Variants in DIP2C observed in about 807,000 individuals in gnomAD.
The protein encoded by DIP2C is DIP2 acetate--CoA ligase C (putative), also known as disco-interacting protein 2 homolog C.
DIP2C carries 33 observed loss-of-function variants against 192.4 expected under a neutral mutation model. The observed-to-expected ratio is 0.17, with a 90% confidence interval of 0.13 to 0.23. The LOEUF is 0.23. Among genes scored for constraint, DIP2C ranks in the 10% least tolerant of loss-of-function variants. The pLI, the probability that DIP2C is intolerant of heterozygous loss-of-function variation, is 1.00. For synonymous variants in DIP2C, 979 were observed against 864.1 expected (o/e 1.13, Z -2.33); for missense variants, 1,537 against 2,110.1 (o/e 0.73, Z 5.32).
At chr10:393,188 C>T (rs1381412569) in intron 10 of DIP2C, among the ~76,000 whole-genome samples, 3 of 152,194 alleles carry the variant, frequency 2.0e-5, no homozygotes, top group African/African-American at 7.2e-5. Flanking sequence ...AGGATGCATT[C>T]AGAAAACTAG....
At chr10:340,178 C>CAA (rs34140870) in intron 29 of DIP2C, among the ~76,000 whole-genome samples, 53 of 114,202 alleles carry the variant, frequency 4.6e-4, no homozygotes, top group Non-Finnish European at 7.4e-4. Flanking sequence ...AAGACTGTCT[C>CAA]AAAAAAAAAA....
chr10:513,457 C>G (rs894886948), intron 1 of DIP2C, among the ~76,000 whole-genome samples: 2 of 152,224 alleles, frequency 1.3e-5, no homozygotes, highest in African/African-American at 2.4e-5. Flanking sequence ...TCCACCACAG[C>G]ACACTGCGGC....
chr10:628,175 T>C (rs980585635), intron 1 of DIP2C, among the ~76,000 whole-genome samples: 3 of 152,102 alleles, frequency 2.0e-5, no homozygotes, highest in African/African-American at 7.2e-5. Flanking sequence ...CAGATTAGGA[T>C]TCAAACCAGT....
At chr10:311,517 T>C (rs1956565553) in intron 31 of DIP2C, 1 of 1,232,296 alleles carries the variant, frequency 8.1e-7, no homozygotes, top group South Asian at 4.1e-5. Context: ...ACGGGTGTGA[T>C]GGACAGGAAA....
intron 1 of DIP2C, among the ~76,000 whole-genome samples, chr10:544,528 T>A (rs569650693): frequency 1.3e-5 from 2 of 152,362 alleles, no homozygotes; most frequent in African/African-American, 4.8e-5. Flanking sequence ...CCAAAGCAAC[T>A]GTACCATTTT....
intron 31 of DIP2C, among the ~76,000 whole-genome samples, chr10:313,287 TA>T (rs199866718): frequency 0.018 from 2,754 of 152,306 alleles, 65 homozygotes; most frequent in African/African-American, 0.063. Context: ...CAAACAGCAT[TA>T]ACCCATTCCA....
At chr10:585,929 G>A (rs1024193684) in intron 1 of DIP2C, among the ~76,000 whole-genome samples, 2 of 152,124 alleles carry the variant, frequency 1.3e-5, no homozygotes, top group African/African-American at 4.8e-5. Context: ...TTGTTTTGCA[G>A]CAAATATATC....
chr10:599,064 C>T (rs1851896236), intron 1 of DIP2C, among the ~76,000 whole-genome samples: 1 of 152,186 alleles, frequency 6.6e-6, no homozygotes, highest in South Asian at 2.1e-4. Context: ...GTGAAGGAGT[C>T]AGTCCCTCAC....
intron 1 of DIP2C, among the ~76,000 whole-genome samples, chr10:592,415 A>C (rs1324548294): frequency 2.0e-5 from 3 of 152,202 alleles, no homozygotes; most frequent in Non-Finnish European, 4.4e-5. Flanking sequence ...AAATAATCCA[A>C]ATGTCCATCG....
At position 383,764 on chromosome 10, in the gene DIP2C, C is replaced by T. The variant is rs72772858; in HGVS notation, c.1876+263G>A. 1.9e-3 allele frequency among the ~76,000 whole-genome samples: 291 copies of T among 152,278 alleles called. 1 individual carries two copies. Among genetic ancestry groups the T allele is most frequent in the Non-Finnish European group, 3.7e-3 (249 of 68,026 alleles). On this transcript the variant is annotated intron_variant, in intron 16 of 36. Coordinates refer to ENST00000280886, the MANE Select transcript of DIP2C (RefSeq NM_014974.3). ...TTTCTCTACAGAATCAAGACATCCT[C>T]TGAATCCCAGGGCTGTGGAGTCTAC...
At chr10:357,800 C>T (rs780491411) in intron 23 of DIP2C, 28 bp downstream of exon 23, 20 of 1,570,014 alleles carry the variant, frequency 1.3e-5, no homozygotes, top group South Asian at 4.5e-5. Context: ...CGGGGACGGT[C>T]GGGGAGACTC....
intron 7 of DIP2C, among the ~76,000 whole-genome samples, chr10:415,367 C>CAG (rs1965558414): frequency 6.6e-6 from 1 of 152,210 alleles, no homozygotes; most frequent in African/African-American, 2.4e-5. Context: ...GCAAAGGCAG[C>CAG]AGCTCCGGCA....
At chr10:319,944 G>A (rs1333832852) in intron 31 of DIP2C, among the ~76,000 whole-genome samples, 3 of 152,122 alleles carry the variant, frequency 2.0e-5, no homozygotes, top group African/African-American at 7.2e-5. Context: ...GAATCCAATG[G>A]TCCAATGCAA....
intron 24 of DIP2C, among the ~76,000 whole-genome samples, chr10:355,579 C>T (rs1959042343): frequency 6.6e-6 from 1 of 152,168 alleles, no homozygotes. Context: ...AAAGTAGTAA[C>T]AAGCATATTA....
chr10:523,891 A>G (rs1846890009), intron 1 of DIP2C, among the ~76,000 whole-genome samples: 1 of 152,254 alleles, frequency 6.6e-6, no homozygotes, highest in South Asian at 2.1e-4. Flanking sequence ...CTTTTAGCCT[A>G]GACCTAAAAA....
intron 1 of DIP2C, among the ~76,000 whole-genome samples, chr10:637,660 T>TAGG (rs911468224): frequency 6.6e-6 from 1 of 152,204 alleles, no homozygotes; most frequent in Non-Finnish European, 1.5e-5. Context: ...TTGTGAATCT[T>TAGG]GGGGAGACAC....
At chr10:557,502 T>A (rs1286775663) in intron 1 of DIP2C, among the ~76,000 whole-genome samples, 2 of 151,390 alleles carry the variant, frequency 1.3e-5, no homozygotes, top group Admixed American at 1.3e-4. Context: ...TCACCTGGGC[T>A]GTCTCATCTG....
chr10:336,830 C>CTGTG (rs1266923996), intron 29 of DIP2C, among the ~76,000 whole-genome samples: 4 of 145,242 alleles, frequency 2.8e-5, no homozygotes, highest in East Asian at 2.0e-4. Context: ...GCCTAGGCAG[C>CTGTG]TGTGTGTGTG....
At chr10:620,084 C>T (rs941609020) in intron 1 of DIP2C, among the ~76,000 whole-genome samples, 1 of 152,168 alleles carries the variant, frequency 6.6e-6, no homozygotes, top group Non-Finnish European at 1.5e-5. Context: ...GTAGTGATTG[C>T]GATCAGGGTC....
Sources: allele counts gnomAD v4.1 joint callset (sites outside exome capture counted in the v4.1 genomes callset), GRCh38; gene constraint gnomAD v4.1.1; transcripts MANE v1.5; gene names NCBI Gene and HGNC (gene_info 2026-07-23, HGNC 2026-07-21).